SETBP1: variants seen among roughly 807,000 people sequenced by gnomAD.
SETBP1 encodes SET binding protein 1, also known as SET-binding protein.
SETBP1 carries 9 observed loss-of-function variants against 101.0 expected under a neutral mutation model. The observed-to-expected ratio is 0.09, with a 90% CI of 0.05 to 0.16. The LOEUF (loss-of-function observed/expected upper bound fraction) is 0.16, where lower values mean the gene tolerates loss of function less well. Among genes scored for constraint, SETBP1 ranks in the 10% least tolerant of loss-of-function variants. The pLI, the probability that SETBP1 is intolerant of heterozygous loss-of-function variation, is 1.00. For missense variants in SETBP1, 1,858 were observed against 2,033.8 expected, an observed-to-expected ratio of 0.91 and a Z score of 1.66; for synonymous variants, 818 against 788.5, an observed-to-expected ratio of 1.04 and a Z score of -0.63.
chr18:44,732,601 A>G (rs1016646224), intron 2 of SETBP1: 3 of 152,262 alleles, frequency 2.0e-5, no homozygotes, highest in African/African-American at 7.2e-5. Context: ...CCCTCAATGC[A>G]TATACTGCTG....
intron 2 of SETBP1, among the ~76,000 whole-genome samples, chr18:44,830,541 G>A (rs1181092989): frequency 6.6e-6 from 1 of 152,170 alleles, no homozygotes; most frequent in East Asian, 1.9e-4. Flanking sequence ...TAATTGCACT[G>A]AGGAGTTTCC....
chr18:44,917,007 A>G lies in SETBP1; in HGVS notation c.541-32874A>G, dbSNP rs567863764. Among the ~76,000 whole-genome samples, 18 of 152,310 alleles carry G rather than the reference A, an allele frequency of 1.2e-4. No homozygotes were observed. In the South Asian group the frequency reaches 3.5e-3, roughly 30 times the overall value. ...TGCATGGCTGCTGTCCAGCCTGCCA[A>G]TTCATTGACTTCACCATGCCCTATT... On this transcript the variant is annotated intron_variant, in intron 3 of 5. Coordinates refer to ENST00000649279, the MANE Select transcript of SETBP1 (RefSeq NM_015559.3).
chr18:44,688,995 G>A (rs187775593), intron 1 of SETBP1, among the ~76,000 whole-genome samples: 168 of 152,346 alleles, frequency 1.1e-3, no homozygotes, highest in Admixed American at 2.7e-3. Flanking sequence ...AGTGGGCAGT[G>A]TATCTACAGA....
intron 4 of SETBP1, among the ~76,000 whole-genome samples, chr18:44,983,194 G>T (rs544950897): frequency 6.6e-6 from 1 of 152,158 alleles, no homozygotes; most frequent in Non-Finnish European, 1.5e-5. Context: ...GAATCATAGA[G>T]TTGGAGGCAT....
At chr18:44,882,608 C>T (rs1173391358) in intron 3 of SETBP1, among the ~76,000 whole-genome samples, 1 of 152,020 alleles carries the variant, frequency 6.6e-6, no homozygotes, top group Admixed American at 6.6e-5. Flanking sequence ...TCCATTGCCT[C>T]CTAGTGAGTG....
At chr18:44,806,715 C>T (rs933512019) in intron 2 of SETBP1, among the ~76,000 whole-genome samples, 8 of 127,118 alleles carry the variant, frequency 6.3e-5, no homozygotes, top group Admixed American at 2.0e-4. Flanking sequence ...ATTGCCCAGG[C>T]TGGAGTGCAG....
At chr18:44,718,959 A>G (rs1356407970) in intron 2 of SETBP1, among the ~76,000 whole-genome samples, 1 of 152,178 alleles carries the variant, frequency 6.6e-6, no homozygotes, top group Non-Finnish European at 1.5e-5. Context: ...AATTGGAAGG[A>G]AAGTCAAGAA....
At chr18:44,800,345 G>A (rs1417975338) in intron 2 of SETBP1, among the ~76,000 whole-genome samples, 4 of 152,062 alleles carry the variant, frequency 2.6e-5, no homozygotes, top group Admixed American at 2.6e-4. Flanking sequence ...TCCTTTAGAA[G>A]CAGCAATGAA....
chr18:44,879,385 C>A (rs1281746698), intron 3 of SETBP1, among the ~76,000 whole-genome samples: 1 of 152,004 alleles, frequency 6.6e-6, no homozygotes, highest in Non-Finnish European at 1.5e-5. Flanking sequence ...AGGAAGGATA[C>A]CTACCATGGG....
At position 45,022,738 on chromosome 18, in the gene SETBP1, G is replaced by C. The variant is rs1024597464; in HGVS notation, c.4001-15747G>C. On this transcript the variant is annotated intron_variant, in intron 4 of 5. Coordinates refer to ENST00000649279, the MANE Select transcript of SETBP1 (RefSeq NM_015559.3). ...CCAGCTACATGGGAGGCTGAGGCAG[G>C]AGCATCACTGGAAGCCAGGAGGCAG... 5.3e-5 allele frequency among the ~76,000 whole-genome samples: 8 copies of C among 152,166 alleles called. No individual in the cohort carries two copies. The East Asian group carries it at 1.5e-3, about 29-fold the overall frequency.
chr18:44,766,696 T>C (rs895872532), intron 2 of SETBP1, among the ~76,000 whole-genome samples: 2 of 152,222 alleles, frequency 1.3e-5, no homozygotes, highest in Middle Eastern at 6.8e-3. Context: ...AAATGAGCCA[T>C]GGGTGGTAGT....
rs1387345596 is a variant in SETBP1 at position 44,784,016 on chromosome 18, G to A, written c.486+82184G>A. 2.0e-5 allele frequency among the ~76,000 whole-genome samples: 3 copies of A among 152,232 alleles called. No individual in the cohort carries two copies. The East Asian group carries it at 5.8e-4, about 29-fold the overall frequency. ...AAGGCCACCCTTGCCTGATAGGCTG[G>A]GTCCTGGAAGGTCACTGACAGGGAC... On this transcript the variant is annotated intron_variant, in intron 2 of 5. Transcript: ENST00000649279.
chr18:45,035,397 C>A (rs921103994), intron 4 of SETBP1, among the ~76,000 whole-genome samples: 1 of 152,054 alleles, frequency 6.6e-6, no homozygotes, highest in Admixed American at 6.5e-5. Flanking sequence ...TAATAGTGAC[C>A]ATCTAAATTA....
chr18:44,771,249 G>A (rs1342126649), intron 2 of SETBP1, among the ~76,000 whole-genome samples: 7 of 147,658 alleles, frequency 4.7e-5, no homozygotes, highest in African/African-American at 1.5e-4. Context: ...GTAGGATTGA[G>A]AGTGAGAATT....
At chr18:44,862,438 A>G (rs774747538) in intron 2 of SETBP1, among the ~76,000 whole-genome samples, 3 of 152,216 alleles carry the variant, frequency 2.0e-5, no homozygotes, top group Non-Finnish European at 4.4e-5. Context: ...TTCAGCTAGG[A>G]TGGCAATTTT....
At chr18:44,900,645 C>G (rs2070022968) in intron 3 of SETBP1, among the ~76,000 whole-genome samples, 1 of 152,188 alleles carries the variant, frequency 6.6e-6, no homozygotes, top group South Asian at 2.1e-4. Flanking sequence ...GCCCCCCAGA[C>G]CAGCAGCATC....
Position 44,701,431 on chromosome 18 carries a change from G to A in SETBP1, c.85G>A (p.Ala29Thr), listed in dbSNP as rs772172102. ...GCCGGTCTCCTCAGCCAAGCCCCCA[G>A]CTGCTCCTGGCTGTGCAGGAGAACC... Reference protein sequence around the residue: ...FLPVSSAKPPAAPGCAGEPLL... With the variant: ...FLPVSSAKPPTAPGCAGEPLL... The change falls in exon 2 of 6, where the codon GCT (alanine) becomes ACT (threonine). Residue 29 changes from alanine to threonine, a missense_variant. Coordinates refer to ENST00000649279, the MANE Select transcript of SETBP1 (RefSeq NM_015559.3). 1.8e-4 allele frequency: 293 copies of A among 1,604,198 alleles called. No individual in the cohort carries two copies. Among genetic ancestry groups the A allele is most frequent in the Admixed American group, 4.6e-4 (27 of 58,324 alleles).
In SETBP1 at chr18:45,038,470, G is replaced by T. The variant is rs1231703989; in HGVS notation, c.4001-15G>T. The T allele has an allele frequency of 6.2e-7, 1 of 1,613,528 alleles. No homozygotes were observed. On this transcript the variant is annotated splice_polypyrimidine_tract_variant and intron_variant, in intron 4 of 5. Coordinates refer to ENST00000649279, the MANE Select transcript of SETBP1 (RefSeq NM_015559.3). ...CCTTAAAGTGACTGAAAGCTTTGGGGTTGTTATTTTTTAGGGATGCCAAGT... is the reference window on the plus strand; with the variant it reads ...CCTTAAAGTGACTGAAAGCTTTGGGTTTGTTATTTTTTAGGGATGCCAAGT...
chr18:44,721,269 G>C (rs1335185362), intron 2 of SETBP1, among the ~76,000 whole-genome samples: 2 of 152,140 alleles, frequency 1.3e-5, no homozygotes, highest in Non-Finnish European at 2.9e-5. Flanking sequence ...GAAGAGCTCT[G>C]GGTATGCACA....
Sources: allele counts gnomAD v4.1 joint callset (sites outside exome capture counted in the v4.1 genomes callset), GRCh38; gene constraint gnomAD v4.1.1; transcripts MANE v1.5; gene names NCBI Gene and HGNC (gene_info 2026-07-23, HGNC 2026-07-21).